The following ABHD12 variants were observed in gnomAD, a reference collection of about 807,000 sequenced individuals.
ABHD12 encodes the protein lysophosphatidylserine lipase ABHD12.
In ABHD12, 43 loss-of-function variants were observed where a neutral mutation model predicts 58.3. The observed-to-expected ratio is 0.74, with a 90% CI of 0.58 to 0.95. The LOEUF (loss-of-function observed/expected upper bound fraction) is 0.95, where lower values mean the gene tolerates loss of function less well. Ranked by LOEUF, ABHD12 falls within the 40% of genes least tolerant of loss-of-function variation. ABHD12 has a pLI of 0.00. For synonymous variants in ABHD12, 219 were observed against 211.2 expected (o/e 1.04, Z -0.32); for missense variants, 539 against 537.2 (o/e 1.00, Z -0.03).
At chr20:25,330,690 C>A (rs1463295244) in intron 2 of ABHD12, among the ~76,000 whole-genome samples, 1 of 152,184 alleles carries the variant, frequency 6.6e-6, no homozygotes, top group Admixed American at 6.5e-5. Context: ...GGAGGCAACC[C>A]CCAGCAAGGG....
intron 1 of ABHD12, among the ~76,000 whole-genome samples, chr20:25,380,577 T>C (rs1026076955): frequency 3.9e-5 from 6 of 152,138 alleles, no homozygotes; most frequent in Non-Finnish European, 5.9e-5. Flanking sequence ...ATTAGGCTTT[T>C]GCTCCCACCA....
At chr20:25,297,695 T>C (rs754151959), downstream of ABHD12, 1 of 152,262 alleles carries the variant, frequency 6.6e-6, no homozygotes, top group Non-Finnish European at 1.5e-5. Flanking sequence ...CCCTGTGGAA[T>C]TGCCGAGAAA....
downstream of ABHD12, chr20:25,296,547 G>A: frequency 6.3e-7 from 1 of 1,591,468 alleles, no homozygotes; most frequent in East Asian, 2.2e-5. Context: ...GGCGGGACCA[G>A]CGGGCATTTG....
chr20:25,380,956 C>A (rs1342481689), intron 1 of ABHD12, among the ~76,000 whole-genome samples: 1 of 152,222 alleles, frequency 6.6e-6, no homozygotes, highest in Non-Finnish European at 1.5e-5. Flanking sequence ...TATCTGGCAA[C>A]TCCATTCTTC....
chr20:25,328,098 C>T (rs1046199907), intron 2 of ABHD12, among the ~76,000 whole-genome samples: 1 of 150,474 alleles, frequency 6.6e-6, no homozygotes, highest in Non-Finnish European at 1.5e-5. Context: ...AAACGCCAGT[C>T]TCCTGGAAAA....
At chr20:25,376,964 C>T (rs77085858) in intron 1 of ABHD12, among the ~76,000 whole-genome samples, 1 of 152,132 alleles carries the variant, frequency 6.6e-6, no homozygotes, top group Admixed American at 6.5e-5. Flanking sequence ...GAGAGAGGAA[C>T]AGAGTGAGAG....
chr20:25,323,842 G>A (rs1262391962), intron 2 of ABHD12, among the ~76,000 whole-genome samples: 1 of 152,226 alleles, frequency 6.6e-6, no homozygotes, highest in Non-Finnish European at 1.5e-5. Context: ...GGCTGAGCCT[G>A]CGAATAACTC....
At chr20:25,339,109 C>T in intron 2 of ABHD12, 118 bp downstream of exon 2, 2 of 1,495,302 alleles carry the variant, frequency 1.3e-6, no homozygotes, top group Non-Finnish European at 9.1e-7. Context: ...GATATGTACC[C>T]TTCACTGTAT....
intron 8 of ABHD12, 127 bp from the exon 9 acceptor site, chr20:25,308,172 C>T (rs533424441): frequency 1.9e-5 from 15 of 794,080 alleles, no homozygotes; most frequent in Non-Finnish European, 3.1e-5. Flanking sequence ...GCAACCACCT[C>T]GGCAGGCCTC....
chr20:25,360,510 A>T (rs1268698662), intron 1 of ABHD12, among the ~76,000 whole-genome samples: 1 of 152,078 alleles, frequency 6.6e-6, no homozygotes, highest in Non-Finnish European at 1.5e-5. Context: ...AAGTGCTGGG[A>T]TTACAGGTGT....
rs1423716665 is a variant in ABHD12, at chr20:25,300,739, G to A, written c.*106C>T. 4 of 1,594,254 alleles carry A rather than the reference G, an allele frequency of 2.5e-6. No individual in the cohort carries two copies. The highest frequency in any genetic ancestry group is 2.7e-5 in the African/African-American group (2 of 74,390). On this transcript the variant is annotated 3_prime_UTR_variant, in exon 13 of 13. Transcript: ENST00000339157. ...CTCTCCAGGTGCGAGCTGGGCTCCT[G>A]AGCATTGCAGGTGCCGGCCCCCCGG...
chr20:25,335,308 C>T (rs1349994158), intron 2 of ABHD12, among the ~76,000 whole-genome samples: 1 of 150,844 alleles, frequency 6.6e-6, no homozygotes, highest in Non-Finnish European at 1.5e-5. Flanking sequence ...CAGGAAACAA[C>T]AGGTGCTGGA....
chr20:25,316,921 C>T, intron 5 of ABHD12, 127 bp downstream of exon 5: 1 of 863,692 alleles, frequency 1.2e-6, no homozygotes, highest in Non-Finnish European at 1.9e-6. Flanking sequence ...AGGAGGAGGA[C>T]CCTGTCTCAC....
rs1412913799 is a variant in ABHD12 at position 25,390,644 on chromosome 20, C to T, written c.60G>A (p.Ser20=). 6.2e-6 allele frequency: 9 copies of T among 1,447,952 alleles called. No individual in the cohort carries two copies. Among genetic ancestry groups the T allele is most frequent in the South Asian group, 1.3e-5 (1 of 76,014 alleles). The allele number at this position is 1,447,952 out of a possible 1,614,324, so 89.7% of individuals were successfully genotyped here. A position where few individuals can be genotyped will look rare whatever the true frequency, so the allele number is the denominator to read the frequency against. ...LEHERCAAAG[S]SSSGSAAAAL... The stretch of plus-strand genomic sequence containing the variant: ...CCGCGGCGGCCGAGCCGGAGGAGGA[C>T]GAGCCCGCGGCGGCGCAGCGCTCAT... The change falls in exon 1 of 13, where the codon TCG becomes TCA. Residue 20 remains serine (S), a synonymous_variant. Coordinates refer to ENST00000339157, the MANE Select transcript of ABHD12 (RefSeq NM_001042472.3).
intron 1 of ABHD12, 97 bp downstream of exon 1, chr20:25,390,416 G>A (rs1166314466): frequency 8.3e-7 from 1 of 1,205,542 alleles, no homozygotes; most frequent in Non-Finnish European, 1.1e-6. Flanking sequence ...CGGCCACTCT[G>A]GGAGGGGCTG....
In ABHD12 at chr20:25,300,261, G is replaced by C; in HGVS notation, c.*584C>G. 4 of 1,012,418 alleles carry C rather than the reference G, an allele frequency of 4.0e-6. No individual in the cohort carries two copies. The highest frequency in any genetic ancestry group is 4.7e-6 in the Non-Finnish European group (4 of 845,158). 62.7% of individuals were successfully genotyped at this position (1,012,418 alleles called of 1,614,324 possible). A position where few individuals can be genotyped will look rare whatever the true frequency, so the allele number is the denominator to read the frequency against. On this transcript the variant is annotated 3_prime_UTR_variant, in exon 13 of 13. Coordinates refer to ENST00000339157, the MANE Select transcript of ABHD12 (RefSeq NM_001042472.3). ...TTAAATAAAGCTCAGTCTAAGGCCA[G>C]GTTAGGTGTACAGGTAGGTGAAAGG...
Position 25,344,072 on chromosome 20 carries a change from T to C in ABHD12, c.192-4721A>G, listed in dbSNP as rs2089488309. On this transcript the variant is annotated intron_variant, in intron 1 of 12. Transcript: ENST00000339157. ...AAGCATGTGACAAAATCAACAACCA[T>C]TCATGATTAAAAAGCCTCAGCACAC... 2.0e-5 allele frequency among the ~76,000 whole-genome samples: 3 copies of C among 152,048 alleles called. No individual in the cohort carries two copies. The South Asian group carries it at 6.2e-4, about 32-fold the overall frequency.
intron 6 of ABHD12, 150 bp downstream of exon 6, chr20:25,314,775 A>G: frequency 2.3e-6 from 2 of 873,642 alleles, no homozygotes; most frequent in Non-Finnish European, 1.9e-6. Context: ...CAGCTCCATC[A>G]GGGTCTTTGT....
At chr20:25,390,139 C>G in intron 1 of ABHD12, 1 of 183,358 alleles carries the variant, frequency 5.5e-6, no homozygotes, top group Non-Finnish European at 1.1e-5. Context: ...GGACTCCCCA[C>G]CCCCTACCCT....
Sources: gnomAD v4.1 joint callset for allele counts (sites outside exome capture counted in the v4.1 genomes callset) on GRCh38, gnomAD v4.1.1 for gene constraint, MANE v1.5 for transcripts, NCBI Gene and HGNC (gene_info 2026-07-23, HGNC 2026-07-21) for gene names.